C6: variants seen among roughly 807,000 people sequenced by gnomAD.
C6 encodes complement component C6.
Under a neutral mutation model 112.9 loss-of-function variants are expected in C6, and 101 were observed. The observed-to-expected ratio is 0.89, with a 90% CI of 0.76 to 1.06. The LOEUF (loss-of-function observed/expected upper bound fraction) is 1.06, where lower values mean the gene tolerates loss of function less well. Ranked by LOEUF, C6 falls within the 50% of genes least tolerant of loss-of-function variation. C6 has a pLI of 0.00. For missense variants in C6, 1,202 were observed against 1,104.6 expected (o/e 1.09, Z -1.25); for synonymous variants, 431 against 384.1 (o/e 1.12, Z -1.43).
intron 1 of C6, among the ~76,000 whole-genome samples, chr5:41,228,597 A>T (rs2329592): frequency 0.17 from 26,569 of 152,202 alleles, 2,813 homozygotes; most frequent in South Asian, 0.35. Flanking sequence ...GGTTTGTCAC[A>T]TATGGTCTTT....
Position 41,200,307 on chromosome 5 carries a change from G to A in C6, c.301-395C>T, listed in dbSNP as rs139356550. On this transcript the variant is annotated intron_variant, in intron 3 of 17. Coordinates refer to ENST00000337836, the MANE Select transcript of C6 (RefSeq NM_000065.5). ...GAAGGGATAAATGTGAAATAATTTT[G>A]AGGTTCTTTTGCATAAGAGAGTCCC... 2.3e-3 allele frequency among the ~76,000 whole-genome samples: 349 copies of A among 152,270 alleles called. 2 individuals carry two copies. The highest frequency in any genetic ancestry group is 7.9e-3 in the African/African-American group (330 of 41,556).
At chr5:41,192,138 T>C (rs182779986) in intron 5 of C6, among the ~76,000 whole-genome samples, 33 of 152,316 alleles carry the variant, frequency 2.2e-4, no homozygotes, top group African/African-American at 7.7e-4. Flanking sequence ...AAATACTTTT[T>C]CCACAACTAT....
chr5:41,172,211 G>A lies in C6; in HGVS notation c.1291+14C>T, dbSNP rs964741458. On this transcript the variant is annotated intron_variant, in intron 9 of 17. Transcript: ENST00000337836. ...GGGCACACTGGATAAGCTGCTAAGAGAGAGTACTGTTACCTTCATGTTTCT... is the reference window on the plus strand; with the variant it reads ...GGGCACACTGGATAAGCTGCTAAGAAAGAGTACTGTTACCTTCATGTTTCT... The A allele has an allele frequency of 6.8e-6, 11 of 1,613,502 alleles. No homozygotes were observed. Among genetic ancestry groups the A allele is most frequent in the Admixed American group, 1.7e-5 (1 of 59,968 alleles).
chr5:41,239,096 T>C (rs1480795623), intron 1 of C6, among the ~76,000 whole-genome samples: 2 of 147,360 alleles, frequency 1.4e-5, no homozygotes, highest in Non-Finnish European at 3.0e-5. Flanking sequence ...ATTTATAATT[T>C]CTTTTCTTTT....
At chr5:41,218,901 T>G (rs1188417393) in intron 1 of C6, among the ~76,000 whole-genome samples, 5 of 152,214 alleles carry the variant, frequency 3.3e-5, no homozygotes, top group Non-Finnish European at 1.5e-5. Context: ...GAAACTCAGC[T>G]GCACTTCCTT....
chr5:41,239,430 T>C (rs1252222952), intron 1 of C6, among the ~76,000 whole-genome samples: 2 of 152,052 alleles, frequency 1.3e-5, no homozygotes, highest in Non-Finnish European at 2.9e-5. Context: ...ATCATTTCTA[T>C]GTGTTGGGAA....
chr5:41,211,927 G>A (rs1040115032), intron 1 of C6, among the ~76,000 whole-genome samples: 3 of 152,032 alleles, frequency 2.0e-5, no homozygotes, highest in African/African-American at 7.2e-5. Context: ...AAAGGTATGG[G>A]TGAGTTTTAT....
chr5:41,250,082 A>G (rs1252698956), intron 1 of C6, among the ~76,000 whole-genome samples: 2 of 152,214 alleles, frequency 1.3e-5, no homozygotes, highest in Non-Finnish European at 2.9e-5. Context: ...AACAGCTTTT[A>G]ACTAGGGACA....
chr5:41,250,003 T>C (rs566008642), intron 1 of C6, among the ~76,000 whole-genome samples: 5 of 152,362 alleles, frequency 3.3e-5, no homozygotes, highest in Admixed American at 3.3e-4. Flanking sequence ...CTCCAAATTC[T>C]TTGGGTGGGT....
chr5:41,203,572 T>G, intron 1 of C6: 43 of 299,568 alleles, frequency 1.4e-4, no homozygotes, highest in South Asian at 2.3e-4. Context: ...ATTTATACAG[T>G]CTTACCCTTC....
chr5:41,241,222 C>T (rs1740692927), intron 1 of C6, among the ~76,000 whole-genome samples: 1 of 152,200 alleles, frequency 6.6e-6, no homozygotes, highest in African/African-American at 2.4e-5. Flanking sequence ...GGGTGGGGTT[C>T]TGCCAGTGGC....
At chr5:41,167,683 G>A (rs1748095129) in intron 9 of C6, among the ~76,000 whole-genome samples, 1 of 152,070 alleles carries the variant, frequency 6.6e-6, no homozygotes, top group Non-Finnish European at 1.5e-5. Flanking sequence ...AGCTGAATAG[G>A]ATCAAGCTTG....
In C6 at chr5:41,186,168, C is replaced by G. The variant is rs779633819; in HGVS notation, c.628G>C (p.Asp210His). The change falls in exon 6 of 18, where the codon GAT (aspartate) becomes CAT (histidine). Residue 210 changes from aspartate (D) to histidine (H), a missense_variant. Coordinates refer to ENST00000337836, the MANE Select transcript of C6 (RefSeq NM_000065.5). ...LAGEPRGEVL[D>H]NSFTGGICKT... Reference sequence around the variant, plus strand: ...CATATTCCTCCAGTGAAAGAGTTATCAAGGACTTCTCCTCTGGGCTCTCCT... The same window carrying G: ...CATATTCCTCCAGTGAAAGAGTTATGAAGGACTTCTCCTCTGGGCTCTCCT... 6.2e-7 allele frequency: 1 copy of G among 1,613,916 alleles called. No individual in the cohort carries two copies. Among genetic ancestry groups the G allele is most frequent in the South Asian group, 1.1e-5 (1 of 91,064 alleles).
At chr5:41,146,144 T>C (rs868610298) in intron 17 of C6, among the ~76,000 whole-genome samples, 1 of 152,310 alleles carries the variant, frequency 6.6e-6, no homozygotes. Flanking sequence ...TCATCATGGC[T>C]GCTAAATGGA....
intron 6 of C6, among the ~76,000 whole-genome samples, chr5:41,185,070 C>A (rs9332457): frequency 0.42 from 63,849 of 151,950 alleles, 13,704 homozygotes; most frequent in African/African-American, 0.45. Context: ...AACTGGAAAG[C>A]AACTTCCATC....
intron 1 of C6, among the ~76,000 whole-genome samples, chr5:41,252,359 T>A (rs762809452): frequency 6.6e-6 from 1 of 152,068 alleles, no homozygotes; most frequent in African/African-American, 2.4e-5. Context: ...TCAGGCCTTG[T>A]TGGGAGGGGA....
At chr5:41,203,582 C>A in intron 1 of C6, 1 of 269,542 alleles carries the variant, frequency 3.7e-6, no homozygotes, top group Non-Finnish European at 7.4e-6. Context: ...TCTTACCCTT[C>A]TCAAAACACC....
rs2150306204 is a variant in C6 at position 41,174,066 on chromosome 5, G to T, written c.1169-1719C>A. ...GTAATAATTAAATTGTATGTGTCCA[G>T]TTAATTAACTATAACATAATGAATT... On this transcript the variant is annotated intron_variant, in intron 8 of 17. Coordinates refer to ENST00000337836, the MANE Select transcript of C6 (RefSeq NM_000065.5). Among the ~76,000 whole-genome samples, 6 of 152,192 alleles carry T rather than the reference G, an allele frequency of 3.9e-5. 2 individuals carry two copies. Among genetic ancestry groups the T allele is most frequent in the Admixed American group, 3.9e-4 (6 of 15,260 alleles).
intron 6 of C6, among the ~76,000 whole-genome samples, chr5:41,182,535 A>T (rs1051696291): frequency 1.3e-5 from 2 of 152,068 alleles, no homozygotes; most frequent in African/African-American, 4.8e-5. Context: ...TCTTCCTTTC[A>T]TGAGTCTCTT....
Sources: gnomAD v4.1 joint callset for allele counts (sites outside exome capture counted in the v4.1 genomes callset) on GRCh38, gnomAD v4.1.1 for gene constraint, MANE v1.5 for transcripts, NCBI Gene and HGNC (gene_info 2026-07-23, HGNC 2026-07-21) for gene names.